Variants in RORA observed in about 807,000 individuals in gnomAD.
RORA encodes RAR related orphan receptor A.
A neutral mutation model predicts 69.5 loss-of-function variants in RORA; 7 were observed. The ratio of observed to expected loss-of-function variants is 0.10; its 90% CI spans 0.06 to 0.19. RORA has a LOEUF of 0.19. Ranked by LOEUF, RORA falls within the 10% of genes least tolerant of loss-of-function variation. RORA has a pLI of 1.00. For synonymous variants in RORA, 261 were observed against 240.8 expected, an observed-to-expected ratio of 1.08 and a Z score of -0.78; for missense variants, 457 against 663.0, an observed-to-expected ratio of 0.69 and a Z score of 3.41.
chr15:60,843,141 A>C (rs980576594), intron 1 of RORA, among the ~76,000 whole-genome samples: 4 of 152,178 alleles, frequency 2.6e-5, no homozygotes, highest in African/African-American at 9.7e-5. Context: ...GCTGCAAGGA[A>C]ATGGAAGAAG....
intron 2 of RORA, among the ~76,000 whole-genome samples, chr15:60,567,361 CT>C (rs2067745336): frequency 6.6e-6 from 1 of 151,554 alleles, no homozygotes; most frequent in East Asian, 1.9e-4. Flanking sequence ...GGGTTTGCAC[CT>C]TTTCTTTTAG....
chr15:61,176,202 A>AGGTT (rs2079627957), intron 1 of RORA: 1 of 152,224 alleles, frequency 6.6e-6, no homozygotes, highest in Non-Finnish European at 1.5e-5. Context: ...CACAGTCAAG[A>AGGTT]GGTTGCACAT....
intron 1 of RORA, among the ~76,000 whole-genome samples, chr15:60,951,300 G>A (rs1595841244): frequency 7.7e-6 from 1 of 129,398 alleles, no homozygotes; most frequent in African/African-American, 3.0e-5. Flanking sequence ...GTGTGTAGAG[G>A]GAAATTTATA....
chr15:60,745,330 G>A (rs1173551076), intron 1 of RORA, among the ~76,000 whole-genome samples: 1 of 152,128 alleles, frequency 6.6e-6, no homozygotes, highest in Non-Finnish European at 1.5e-5. Context: ...ATACGTTCCC[G>A]TCACTCCCAG....
At chr15:60,728,890 A>G (rs2071396369) in intron 1 of RORA, among the ~76,000 whole-genome samples, 1 of 152,220 alleles carries the variant, frequency 6.6e-6, no homozygotes, top group African/African-American at 2.4e-5. Flanking sequence ...AAAACTTTAT[A>G]CAATAATAAA....
chr15:60,499,255 G>C (rs1266583425), intron 10 of RORA, among the ~76,000 whole-genome samples: 1 of 152,132 alleles, frequency 6.6e-6, no homozygotes, highest in Non-Finnish European at 1.5e-5. Flanking sequence ...TTATAGGCTG[G>C]GCACAGTGGC....
intron 1 of RORA, among the ~76,000 whole-genome samples, chr15:60,802,600 C>A (rs1595726553): frequency 6.6e-6 from 1 of 151,984 alleles, no homozygotes; most frequent in East Asian, 1.9e-4. Flanking sequence ...GTGTATGTGG[C>A]ATGTGTGTGT....
At chr15:60,561,064 TTTTTTTGTTTTGTTTTTG>T (rs2067528911) in intron 2 of RORA, among the ~76,000 whole-genome samples, 1 of 139,318 alleles carries the variant, frequency 7.2e-6, no homozygotes, top group Admixed American at 6.8e-5. Context: ...GTGTTTTTTT[TTTTTTTGTTTTGTTTTTG>T]TTTTTTTTTT....
Position 60,587,380 on chromosome 15 carries a change from A to C in RORA, c.197-55529T>G, listed in dbSNP as rs533195470. On this transcript the variant is annotated intron_variant, in intron 2 of 10. Coordinates refer to ENST00000335670, the MANE Select transcript of RORA (RefSeq NM_134261.3). The stretch of plus-strand genomic sequence containing the variant: ...TATTTTTTTCCCATATAAATGCCAG[A>C]GTTATAATTTCCACTAACTAGAGAC... Among the ~76,000 whole-genome samples, 5 of 152,316 alleles carry C rather than the reference A, an allele frequency of 3.3e-5. No individual in the cohort carries two copies. The East Asian group carries it at 9.7e-4, about 29-fold the overall frequency.
intron 2 of RORA, among the ~76,000 whole-genome samples, chr15:60,670,253 A>G (rs1480035216): frequency 6.9e-6 from 1 of 144,374 alleles, no homozygotes; most frequent in Non-Finnish European, 1.5e-5. Context: ...TACATTGCCC[A>G]GGTTGGGGTG....
chr15:61,024,227 A>G (rs16943533), intron 1 of RORA, among the ~76,000 whole-genome samples: 13,588 of 150,528 alleles, frequency 0.09, 702 homozygotes, highest in African/African-American at 0.11. Flanking sequence ...AAAATTATAC[A>G]AGTAGCATTC....
intron 2 of RORA, among the ~76,000 whole-genome samples, chr15:60,637,071 A>G (rs895758527): frequency 2.6e-5 from 4 of 152,104 alleles, no homozygotes; most frequent in Admixed American, 1.3e-4. Context: ...TACTTTTTAA[A>G]TTATTTCCTT....
intron 1 of RORA, among the ~76,000 whole-genome samples, chr15:61,157,820 T>G (rs142216950): frequency 6.6e-6 from 1 of 152,264 alleles, no homozygotes; most frequent in East Asian, 1.9e-4. Flanking sequence ...AATAAATGTG[T>G]TCATGGTGGA....
chr15:61,153,613 A>C (rs550520228), intron 1 of RORA, among the ~76,000 whole-genome samples: 1 of 152,278 alleles, frequency 6.6e-6, no homozygotes, highest in East Asian at 1.9e-4. Flanking sequence ...CATCGACTTG[A>C]ATGTTTGGCT....
At chr15:60,616,054 A>G (rs1045741593) in intron 2 of RORA, among the ~76,000 whole-genome samples, 2 of 152,174 alleles carry the variant, frequency 1.3e-5, no homozygotes, top group African/African-American at 2.4e-5. Context: ...ATAAAACTCA[A>G]TGTGAAGAGC....
chr15:61,196,915 T>C (rs2079850593), intron 1 of RORA, among the ~76,000 whole-genome samples: 2 of 152,244 alleles, frequency 1.3e-5, no homozygotes, highest in Admixed American at 6.5e-5. Flanking sequence ...ACTGCTGTTA[T>C]GTAACTAAAC....
At chr15:60,658,862 A>T (rs1435523129) in intron 2 of RORA, among the ~76,000 whole-genome samples, 1 of 152,154 alleles carries the variant, frequency 6.6e-6, no homozygotes, top group East Asian at 1.9e-4. Context: ...GAAAAAAGGC[A>T]CTGTTTCTGT....
At chr15:60,814,031 C>A (rs2140370107) in intron 1 of RORA, among the ~76,000 whole-genome samples, 1 of 152,234 alleles carries the variant, frequency 6.6e-6, no homozygotes, top group Non-Finnish European at 1.5e-5. Context: ...TATCATAAAA[C>A]AATCTATGAA....
In RORA at chr15:60,996,078, T is replaced by TG. The variant is rs1197058597; in HGVS notation, c.166+232974_166+232975insC. 6.6e-5 allele frequency among the ~76,000 whole-genome samples: 8 copies of TG among 122,112 alleles called. No homozygotes were observed. In the East Asian group the frequency reaches 2.2e-3, roughly 33 times the overall value. 80.1% of individuals were successfully genotyped at this position (122,112 alleles called of 152,430 possible). A position where few individuals can be genotyped will look rare whatever the true frequency, so the allele number is the denominator to read the frequency against. ...ATCTAGATCTTGTTTTTTGTTTTTT[T>TG]TTTTTTTTTTGAGATGGAGTCTCAC... On this transcript the variant is annotated intron_variant, in intron 1 of 10. Coordinates refer to ENST00000335670, the MANE Select transcript of RORA (RefSeq NM_134261.3).
Sources: gnomAD v4.1 joint callset for allele counts (sites outside exome capture counted in the v4.1 genomes callset) on GRCh38, gnomAD v4.1.1 for gene constraint, MANE v1.5 for transcripts, NCBI Gene and HGNC (gene_info 2026-07-23, HGNC 2026-07-21) for gene names.